Variants in SCUBE2 observed in about 807,000 individuals in gnomAD.
The protein encoded by SCUBE2 is signal peptide, CUB and EGF-like domain-containing protein 2.
In SCUBE2, 114 loss-of-function variants were observed where a neutral mutation model predicts 125.9. That is an observed-to-expected ratio of 0.91 (90% CI 0.78 to 1.06). SCUBE2 has a LOEUF of 1.06. Ranked by LOEUF, SCUBE2 falls within the 50% of genes least tolerant of loss-of-function variation. The probability of loss-of-function intolerance (pLI) is 0.00; values close to 1 mark genes in which losing one functional copy is unlikely to be tolerated. For missense variants in SCUBE2, 1,255 were observed against 1,301.8 expected (o/e 0.96, Z 0.55); for synonymous variants, 459 against 492.9 (o/e 0.93, Z 0.91).
chr11:9,052,613 C>T (rs1566203243), intron 13 of SCUBE2, 133 bp downstream of exon 13: 1 of 653,250 alleles, frequency 1.5e-6, no homozygotes, highest in East Asian at 3.0e-5. Flanking sequence ...GCAACAACAC[C>T]CTGGAACATG....
intron 16 of SCUBE2, among the ~76,000 whole-genome samples, chr11:9,038,084 T>C (rs1319686921): frequency 3.3e-5 from 5 of 150,008 alleles, no homozygotes; most frequent in Non-Finnish European, 7.4e-5. Flanking sequence ...ACTCATTATG[T>C]GCTGAGTACC....
chr11:9,084,050 C>A (rs994877102), intron 2 of SCUBE2, among the ~76,000 whole-genome samples: 1 of 152,132 alleles, frequency 6.6e-6, no homozygotes, highest in African/African-American at 2.4e-5. Flanking sequence ...TTTCTATAGA[C>A]CACTTCCATT....
intron 16 of SCUBE2, among the ~76,000 whole-genome samples, chr11:9,046,954 T>G (rs1433729487): frequency 6.6e-6 from 1 of 152,214 alleles, no homozygotes; most frequent in African/African-American, 2.4e-5. Flanking sequence ...GGCCTCATGA[T>G]TCTACTGATA....
chr11:9,048,121 C>T (rs371350631), intron 14 of SCUBE2, 23 bp from the exon 15 acceptor site: 109 of 1,591,782 alleles, frequency 6.8e-5, no homozygotes, highest in African/African-American at 1.4e-4. Context: ...ACAAAATTAT[C>T]GGAAGCCAAA....
chr11:9,081,127 A>G (rs973455812), intron 2 of SCUBE2, among the ~76,000 whole-genome samples: 14 of 152,384 alleles, frequency 9.2e-5, no homozygotes, highest in African/African-American at 2.4e-4. Flanking sequence ...ATGGGAACAC[A>G]TACATTGTTG....
chr11:9,046,919 G>A (rs1366013962), intron 16 of SCUBE2, among the ~76,000 whole-genome samples: 1 of 152,164 alleles, frequency 6.6e-6, no homozygotes, highest in Non-Finnish European at 1.5e-5. Flanking sequence ...ATACAAATGG[G>A]ATTCTTACTC....
In SCUBE2 at chr11:9,065,977, C is replaced by T. The variant is rs138805489; in HGVS notation, c.764G>A (p.Arg255Gln). The change falls in exon 7 of 23, where the codon CGA becomes CAA. Residue 255 changes from arginine (R) to glutamine (Q), a missense_variant. Physicochemically the swap from Arg to Gln is conservative, Grantham distance 43 (BLOSUM62 1). Transcript: ENST00000649792. Reference protein sequence around the residue: ...MHTDGRSCLEREDTVLEVTES... With the variant: ...MHTDGRSCLEQEDTVLEVTES... ...TGTCACCTCCAGGACAGTGTCCTCT[C>T]GCTCTACAAGAGAAGCAAAAGAGCA... 28 of 1,612,936 alleles carry T rather than the reference C, an allele frequency of 1.7e-5. No homozygotes were observed. The East Asian group carries it at 3.1e-4, about 18-fold the overall frequency.
rs35115539 is a variant in SCUBE2, at chr11:9,069,437, T to C, written c.576A>G (p.Pro192=). Residue 192 remains proline, a synonymous_variant, in exon 5 of 23, where the codon CCA becomes CCG. Coordinates refer to ENST00000649792, the MANE Select transcript of SCUBE2 (RefSeq NM_001367977.2). ...HGCSHICKEA[P]RGSVACECRP... is the part of the protein sequence containing the mutation. Reference sequence around the variant, plus strand: ...TGCACTCACAGGCGACGCTGCCCCTTGGGGCCTCCTTGCAGATGTGACTAC... The same window carrying C: ...TGCACTCACAGGCGACGCTGCCCCTCGGGGCCTCCTTGCAGATGTGACTAC... 3.7e-3 allele frequency: 5,994 copies of C among 1,614,250 alleles called. 21 individuals carry two copies. The highest frequency in any genetic ancestry group is 4.8e-3 in the Admixed American group (288 of 60,030).
rs920773647 is a variant in SCUBE2 at position 9,044,688 on chromosome 11, T to C, written c.2002+2668A>G. On this transcript the variant is annotated intron_variant, in intron 16 of 22. Coordinates refer to ENST00000649792, the MANE Select transcript of SCUBE2 (RefSeq NM_001367977.2). ...TCAGATTCGGGATCAGGGTCCTCCC[T>C]GGTTTCGAGTTCCCTCTGCTACTGC... 2.0e-5 allele frequency among the ~76,000 whole-genome samples: 3 copies of C among 152,216 alleles called. No individual in the cohort carries two copies. In the East Asian group the frequency reaches 5.8e-4, roughly 29 times the overall value.
At chr11:9,035,583 G>T (rs1210494011) in intron 16 of SCUBE2, among the ~76,000 whole-genome samples, 1 of 152,134 alleles carries the variant, frequency 6.6e-6, no homozygotes, top group East Asian at 1.9e-4. Context: ...TCCAGTGTCT[G>T]TAACAAGGGA....
intron 3 of SCUBE2, among the ~76,000 whole-genome samples, chr11:9,077,488 T>C (rs1242836679): frequency 2.0e-5 from 3 of 152,212 alleles, no homozygotes; most frequent in African/African-American, 4.8e-5. Context: ...GTGGTGTTTG[T>C]ACCTTGTGTC....
At chr11:9,054,339 C>G (rs954766178) in intron 10 of SCUBE2, among the ~76,000 whole-genome samples, 26 of 152,124 alleles carry the variant, frequency 1.7e-4, no homozygotes, top group Admixed American at 2.6e-4. Context: ...ATTAGCAACA[C>G]TCAGAAGGAT....
rs2135903065 is a variant in SCUBE2 at position 9,079,464 on chromosome 11, T to C, written c.302A>G (p.Asp101Gly). The C allele has an allele frequency of 1.9e-6, 3 of 1,614,096 alleles. No individual in the cohort carries two copies. Among genetic ancestry groups the C allele is most frequent in the East Asian group, 2.2e-5 (1 of 44,880 alleles). ...ATAATTGCCTGGAATATTCAAACAG[T>C]CATGGACACAGCCTCCATTGAGCTC... ...GNELNGGCVH[D>G]CLNIPGNYRC... Residue 101 changes from aspartate to glycine, a missense_variant, in exon 3 of 23, where the codon GAC (aspartate) becomes GGC (glycine). Asp to Gly is a moderately conservative substitution (Grantham distance 94). Transcript: ENST00000649792.
intron 14 of SCUBE2, chr11:9,050,358 A>C (rs1232150629): frequency 2.3e-6 from 1 of 432,396 alleles, no homozygotes; most frequent in African/African-American, 2.0e-5. Flanking sequence ...GGGTTTCCCC[A>C]GAGCCTCACC....
At chr11:9,022,003 C>T (rs1469861845) in intron 21 of SCUBE2, 48 bp from the exon 22 acceptor site, 1 of 1,366,608 alleles carries the variant, frequency 7.3e-7, no homozygotes, top group Non-Finnish European at 1.0e-6. Context: ...TTAGTTGCTT[C>T]CAAACTCACT....
intron 7 of SCUBE2, among the ~76,000 whole-genome samples, chr11:9,063,577 C>A (rs1400863918): frequency 1.1e-4 from 17 of 152,330 alleles, no homozygotes; most frequent in African/African-American, 3.4e-4. Flanking sequence ...CTACACTGAG[C>A]CAAATTCTCA....
At chr11:9,086,784 C>T (rs1426474739) in intron 2 of SCUBE2, among the ~76,000 whole-genome samples, 2 of 141,490 alleles carry the variant, frequency 1.4e-5, no homozygotes, top group African/African-American at 5.3e-5. Context: ...ACCTGGGAGG[C>T]GGAGGTTGCA....
chr11:9,084,896 C>T (rs541373413), intron 2 of SCUBE2, among the ~76,000 whole-genome samples: 17 of 152,272 alleles, frequency 1.1e-4, no homozygotes, highest in Admixed American at 4.6e-4. Flanking sequence ...CATCACCACA[C>T]CAGCAATTTT....
chr11:9,069,747 C>T (rs1860601098), intron 4 of SCUBE2, among the ~76,000 whole-genome samples: 1 of 152,218 alleles, frequency 6.6e-6, no homozygotes, highest in Non-Finnish European at 1.5e-5. Flanking sequence ...TACACTGGAG[C>T]TCTCTATTGC....
Sources: allele counts gnomAD v4.1 joint callset (sites outside exome capture counted in the v4.1 genomes callset), GRCh38; gene constraint gnomAD v4.1.1; transcripts MANE v1.5; gene names NCBI Gene and HGNC (gene_info 2026-07-23, HGNC 2026-07-21).